Variants in OTULINL observed in about 807,000 individuals in gnomAD.
The protein encoded by OTULINL is inactive ubiquitin thioesterase OTULINL.
In OTULINL, 42 loss-of-function variants were observed where a neutral mutation model predicts 43.9. That is an observed-to-expected ratio of 0.96 (90% confidence interval 0.75 to 1.24). The LOEUF (loss-of-function observed/expected upper bound fraction) is 1.24, where lower values mean the gene tolerates loss of function less well. OTULINL is among the 50% of genes most tolerant of loss of function. The pLI, the probability that OTULINL is intolerant of heterozygous loss-of-function variation, is 0.00. For missense variants in OTULINL, 411 were observed against 426.4 expected, an observed-to-expected ratio of 0.96 and a Z score of 0.32; for synonymous variants, 172 against 153.6, an observed-to-expected ratio of 1.12 and a Z score of -0.88.
intron 1 of OTULINL, among the ~76,000 whole-genome samples, chr5:14,590,119 G>C (rs1338442787): frequency 6.6e-6 from 1 of 152,188 alleles, no homozygotes; most frequent in East Asian, 1.9e-4. Context: ...TACTTGACCA[G>C]TAAGATTTTT....
At chr5:14,588,962 T>G (rs1266893663) in intron 1 of OTULINL, among the ~76,000 whole-genome samples, 1 of 152,146 alleles carries the variant, frequency 6.6e-6, no homozygotes, top group Non-Finnish European at 1.5e-5. Flanking sequence ...CAGGGCTTAA[T>G]CTCGATGGGA....
intron 1 of OTULINL, among the ~76,000 whole-genome samples, chr5:14,600,222 T>C (rs1015688017): frequency 6.6e-6 from 1 of 152,184 alleles, no homozygotes; most frequent in African/African-American, 2.4e-5. Context: ...CCCCTTTTGC[T>C]TGACACTTCT....
rs753277143 is a variant in OTULINL, at chr5:14,607,429, C to A, written c.598C>A (p.Arg200=). ...YTGSNVFGKL[R]KYVELLKTQW... ...AGGCTCGAATGTGTTTGGAAAACTA[C>A]GGAAATATGTGGAATTATTGAAAAC... The change falls in exon 6 of 8, where the codon CGG becomes AGG. Residue 200 remains arginine (R), a synonymous_variant. Coordinates refer to ENST00000274217, the MANE Select transcript of OTULINL (RefSeq NM_019018.3). 6.2e-6 allele frequency: 10 copies of A among 1,613,854 alleles called. No homozygotes were observed. The highest frequency in any genetic ancestry group is 8.5e-6 in the Non-Finnish European group (10 of 1,179,934).
chr5:14,585,706 A>G (rs114680446), intron 1 of OTULINL, among the ~76,000 whole-genome samples: 1,776 of 152,310 alleles, frequency 0.012, 31 homozygotes, highest in African/African-American at 0.041. Context: ...AATCTTTACA[A>G]TCACCACTCT....
At position 14,611,292 on chromosome 5, in the gene OTULINL, C is replaced by T. The variant is rs1023996069; in HGVS notation, c.*978C>T. ...GATTTTTCTAGATTCTCCAGGTGGA[C>T]GCAGTGTAATCAGAATGGTTCTTAA... On this transcript the variant is annotated 3_prime_UTR_variant, in exon 8 of 8. Coordinates refer to ENST00000274217, the MANE Select transcript of OTULINL (RefSeq NM_019018.3). The T allele has an allele frequency of 5.3e-5, 8 of 151,954 alleles. No homozygotes were observed. Among genetic ancestry groups the T allele is most frequent in the South Asian group, 4.2e-4 (2 of 4,812 alleles). 9.4% of individuals were successfully genotyped at this position (151,954 alleles called of 1,614,324 possible).
chr5:14,591,078 G>T (rs1047562482), intron 1 of OTULINL, among the ~76,000 whole-genome samples: 7 of 152,162 alleles, frequency 4.6e-5, no homozygotes, highest in Admixed American at 1.3e-4. Flanking sequence ...ATGATTCTGA[G>T]TAATGGAAAA....
chr5:14,601,860 C>T (rs905803453), intron 4 of OTULINL, among the ~76,000 whole-genome samples: 1 of 151,682 alleles, frequency 6.6e-6, no homozygotes, highest in African/African-American at 2.4e-5. Flanking sequence ...TTGCCACTAG[C>T]AAAAGCAAAA....
Position 14,608,973 on chromosome 5 carries a change from A to G in OTULINL, c.853A>G (p.Met285Val). Residue 285 changes from methionine to valine, a missense_variant, in exon 7 of 8, where the codon ATG becomes GTG. Met to Val is a conservative substitution (Grantham distance 21). Coordinates refer to ENST00000274217, the MANE Select transcript of OTULINL (RefSeq NM_019018.3). ...ETSSDPLSFM[M>V]NHLNSVGDTC... ...ATCCTCTGATCCTTTGAGCTTCATG[A>G]TGAATCACCTGAATTCTGTAGGCGA... The G allele has an allele frequency of 6.2e-7, 1 of 1,614,046 alleles. No individual in the cohort carries two copies. The highest frequency in any genetic ancestry group is 8.5e-7 in the Non-Finnish European group (1 of 1,179,968).
rs1759388385 is a variant in OTULINL, at chr5:14,601,461, G to C, written c.348+19G>C. 1 of 1,591,448 alleles carries C rather than the reference G, an allele frequency of 6.3e-7. No individual in the cohort carries two copies. The highest frequency in any genetic ancestry group is 1.4e-5 in the African/African-American group (1 of 74,068). ...GAGGAAGGTGTGTCTGTTTTTAGAG[G>C]GTATGGGAGAAATAGAGTTTGTCTG... On this transcript the variant is annotated intron_variant, in intron 4 of 7. Coordinates refer to ENST00000274217, the MANE Select transcript of OTULINL (RefSeq NM_019018.3).
In OTULINL at chr5:14,613,165, G is replaced by T. The variant is rs905872126; in HGVS notation, c.*2851G>T. On this transcript the variant is annotated 3_prime_UTR_variant, in exon 8 of 8. Coordinates refer to ENST00000274217, the MANE Select transcript of OTULINL (RefSeq NM_019018.3). ...CTGAACTCCTGACCTTGGGCGATCC[G>T]CCTACCTCGGCATCCCAAAGTGCTG... 6.6e-6 allele frequency among the ~76,000 whole-genome samples: 1 copy of T among 152,066 alleles called. No individual in the cohort carries two copies. Among genetic ancestry groups the T allele is most frequent in the Non-Finnish European group, 1.5e-5 (1 of 68,004 alleles).
At chr5:14,597,002 A>G (rs924070489) in intron 1 of OTULINL, among the ~76,000 whole-genome samples, 4 of 152,184 alleles carry the variant, frequency 2.6e-5, no homozygotes, top group Non-Finnish European at 5.9e-5. Context: ...CATGTAGGAC[A>G]CATTGGGGAC....
intron 1 of OTULINL, among the ~76,000 whole-genome samples, chr5:14,586,316 A>G (rs1436948320): frequency 1.3e-5 from 2 of 152,210 alleles, no homozygotes; most frequent in East Asian, 1.9e-4. Context: ...GTAACTTTTT[A>G]TGCTAGTAAT....
In OTULINL at chr5:14,608,811, T is replaced by A. The variant is rs766748110; in HGVS notation, c.691T>A (p.Ser231Thr). ...AGGAAGTATGTGCAACACCCTTTTT[T>A]CAGATGCCATTCTGGAATATAAACT... is the stretch of plus-strand genomic sequence containing the variant. ...KRGSMCNTLF[S>T]DAILEYKLYE... The change falls in exon 7 of 8, where the codon TCA becomes ACA. Residue 231 changes from serine (S) to threonine (T), a missense_variant. By Grantham distance (58) the Ser-to-Thr change is moderately conservative. Coordinates refer to ENST00000274217, the MANE Select transcript of OTULINL (RefSeq NM_019018.3). The A allele has an allele frequency of 2.5e-6, 4 of 1,613,744 alleles. No homozygotes were observed. The highest frequency in any genetic ancestry group is 2.2e-5 in the South Asian group (2 of 91,078).
At chr5:14,604,994 A>G (rs1759449084) in intron 5 of OTULINL, among the ~76,000 whole-genome samples, 1 of 152,194 alleles carries the variant, frequency 6.6e-6, no homozygotes, top group African/African-American at 2.4e-5. Context: ...TCCACTAGGC[A>G]GCACCCCAGT....
intron 1 of OTULINL, among the ~76,000 whole-genome samples, chr5:14,582,814 CAAAAAAAAA>C (rs57907300): frequency 6.7e-4 from 37 of 55,034 alleles, no homozygotes; most frequent in African/African-American, 1.1e-3. Flanking sequence ...TTGCTCTGTC[CAAAAAAAAA>C]AAAAAAAAAA....
At position 14,610,260 on chromosome 5, in the gene OTULINL, G is replaced by A. The variant is rs201902616; in HGVS notation, c.1017G>A (p.Pro339=). The A allele has an allele frequency of 1.1e-4, 182 of 1,613,748 alleles. No individual in the cohort carries two copies. Among genetic ancestry groups the A allele is most frequent in the Admixed American group, 1.7e-4 (10 of 60,010 alleles). ...CAGAGGAGCCTCTCAGGGACTGGCC[G>A]GAGATCTCCCTGCTGACCGAGAACG... ...CYPEEPLRDW[P]EISLLTENDR... Residue 339 remains proline, a synonymous_variant, in exon 8 of 8, where the codon CCG becomes CCA. Transcript: ENST00000274217.
At chr5:14,598,338 G>A (rs543449698) in intron 1 of OTULINL, among the ~76,000 whole-genome samples, 1 of 152,308 alleles carries the variant, frequency 6.6e-6, no homozygotes, top group East Asian at 1.9e-4. Context: ...GTACAGGAGA[G>A]CTTTCCTTGT....
In OTULINL at chr5:14,596,157, G is replaced by A. The variant is rs1443609406; in HGVS notation, c.65-4808G>A. On this transcript the variant is annotated intron_variant, in intron 1 of 7. Transcript: ENST00000274217. Reference sequence around the variant, plus strand: ...TGTGGACTTTCTGGAGATTTTTTTTGCCAAAACTTGTCCCCTCCCAACACA... The same window carrying A: ...TGTGGACTTTCTGGAGATTTTTTTTACCAAAACTTGTCCCCTCCCAACACA... Among the ~76,000 whole-genome samples, 12 of 151,874 alleles carry A rather than the reference G, an allele frequency of 7.9e-5. No individual in the cohort carries two copies. In the South Asian group the frequency reaches 1.0e-3, roughly 13 times the overall value.
chr5:14,596,728 G>A (rs1759294464), intron 1 of OTULINL, among the ~76,000 whole-genome samples: 1 of 152,134 alleles, frequency 6.6e-6, no homozygotes, highest in Admixed American at 6.5e-5. Context: ...TGATTTATAA[G>A]GAAAACAAGT....
Sources: allele counts gnomAD v4.1 joint callset (sites outside exome capture counted in the v4.1 genomes callset), GRCh38; gene constraint gnomAD v4.1.1; transcripts MANE v1.5; gene names NCBI Gene and HGNC (gene_info 2026-07-23, HGNC 2026-07-21).